The following ELMO1 variants were observed in gnomAD, a reference collection of about 807,000 sequenced individuals.
ELMO1 encodes the protein engulfment and cell motility 1.
In ELMO1, 26 loss-of-function variants were observed where a neutral mutation model predicts 98.9. The ratio of observed to expected loss-of-function variants is 0.26; its 90% confidence interval spans 0.19 to 0.36. The LOEUF is 0.36. Among genes scored for constraint, ELMO1 ranks in the 10% least tolerant of loss-of-function variants. ELMO1 has a pLI of 1.00. For missense variants in ELMO1, 627 were observed against 935.2 expected (o/e 0.67, Z 4.30); for synonymous variants, 346 against 346.0 (o/e 1.00, Z 0.00).
chr7:36,875,373 C>T (rs150551992), intron 19 of ELMO1, among the ~76,000 whole-genome samples: 1 of 152,310 alleles, frequency 6.6e-6, no homozygotes, highest in East Asian at 1.9e-4. Context: ...CTAGTACACA[C>T]ACACTCTCTT....
intron 13 of ELMO1, among the ~76,000 whole-genome samples, chr7:37,181,895 T>C (rs12701550): frequency 0.16 from 23,631 of 152,192 alleles, 1,883 homozygotes; most frequent in South Asian, 0.26. Context: ...GAAATAGTTA[T>C]TTTCTCAGTA....
chr7:37,179,775 A>T (rs1479470646), intron 13 of ELMO1, among the ~76,000 whole-genome samples: 1 of 152,156 alleles, frequency 6.6e-6, no homozygotes, highest in Non-Finnish European at 1.5e-5. Context: ...TACACAAAAG[A>T]AATCAGCAAC....
At chr7:37,400,079 A>C (rs1803459936) in intron 1 of ELMO1, among the ~76,000 whole-genome samples, 1 of 152,228 alleles carries the variant, frequency 6.6e-6, no homozygotes, top group South Asian at 2.1e-4. Context: ...AATATGGTAC[A>C]AGTTTGATGT....
intron 1 of ELMO1, among the ~76,000 whole-genome samples, chr7:37,357,560 T>C (rs1461814168): frequency 6.6e-6 from 1 of 152,044 alleles, no homozygotes; most frequent in Admixed American, 6.6e-5. Context: ...AAAACAAATT[T>C]CCCCCATTTT....
intron 13 of ELMO1, among the ~76,000 whole-genome samples, chr7:37,162,632 T>C (rs1402182447): frequency 6.6e-6 from 1 of 152,214 alleles, no homozygotes; most frequent in Non-Finnish European, 1.5e-5. Context: ...AAAAAATTTT[T>C]TAAAGTTGAA....
chr7:37,045,271 A>G (rs1348004631), intron 15 of ELMO1, among the ~76,000 whole-genome samples: 3 of 152,240 alleles, frequency 2.0e-5, no homozygotes, highest in Non-Finnish European at 4.4e-5. Context: ...GGTAATGAAT[A>G]TAATACACTG....
At chr7:36,874,647 C>T (rs1803794831) in intron 19 of ELMO1, among the ~76,000 whole-genome samples, 1 of 152,224 alleles carries the variant, frequency 6.6e-6, no homozygotes, top group Non-Finnish European at 1.5e-5. Flanking sequence ...TTCATCTCCA[C>T]ATGGGCAGGG....
At chr7:37,341,054 C>A (rs1410582767) in intron 2 of ELMO1, among the ~76,000 whole-genome samples, 1 of 152,204 alleles carries the variant, frequency 6.6e-6, no homozygotes, top group Non-Finnish European at 1.5e-5. Flanking sequence ...CACAGGGATA[C>A]CCTGGAGATC....
At chr7:37,102,223 TC>T (rs1784684704) in intron 14 of ELMO1, among the ~76,000 whole-genome samples, 4 of 152,122 alleles carry the variant, frequency 2.6e-5, no homozygotes, top group African/African-American at 9.7e-5. Flanking sequence ...TCCTTCATTC[TC>T]CCTTGGTGCC....
At chr7:37,348,829 C>T (rs1336280699) in intron 1 of ELMO1, among the ~76,000 whole-genome samples, 5 of 152,276 alleles carry the variant, frequency 3.3e-5, no homozygotes, top group Admixed American at 6.5e-5. Flanking sequence ...TTAATTCTTT[C>T]GGTTCCACAA....
At chr7:37,422,136 G>C (rs984694337) in intron 1 of ELMO1, among the ~76,000 whole-genome samples, 1 of 152,222 alleles carries the variant, frequency 6.6e-6, no homozygotes, top group Non-Finnish European at 1.5e-5. Flanking sequence ...CCCAGGATAA[G>C]AAAATTAGCT....
intron 1 of ELMO1, chr7:37,351,319 T>C (rs1208632027): frequency 6.6e-6 from 1 of 152,264 alleles, no homozygotes; most frequent in Non-Finnish European, 1.5e-5. Context: ...AATAAGGATC[T>C]CATAAATTTG....
At chr7:36,939,822 G>A (rs973189413) in intron 16 of ELMO1, among the ~76,000 whole-genome samples, 4 of 152,206 alleles carry the variant, frequency 2.6e-5, no homozygotes, top group Admixed American at 6.5e-5. Context: ...GTGGCTGGCC[G>A]GAGGCATGCG....
intron 15 of ELMO1, among the ~76,000 whole-genome samples, chr7:37,045,005 T>A (rs1795722157): frequency 6.6e-6 from 1 of 152,242 alleles, no homozygotes; most frequent in Admixed American, 6.5e-5. Context: ...GGATGGAGGT[T>A]AATATTACTA....
chr7:37,135,869 C>T (rs973793707), intron 13 of ELMO1, among the ~76,000 whole-genome samples: 1 of 152,100 alleles, frequency 6.6e-6, no homozygotes, highest in Non-Finnish European at 1.5e-5. Context: ...GGATCCAAAC[C>T]AAGATTAAAT....
intron 16 of ELMO1, among the ~76,000 whole-genome samples, chr7:36,927,691 C>T (rs2129080834): frequency 6.6e-6 from 1 of 152,308 alleles, no homozygotes; most frequent in East Asian, 1.9e-4. Context: ...GAGACAGTCC[C>T]AGACTATTTT....
chr7:37,385,346 C>T (rs1333755958), intron 1 of ELMO1, among the ~76,000 whole-genome samples: 7 of 152,348 alleles, frequency 4.6e-5, no homozygotes. Flanking sequence ...ATCTCCCCCT[C>T]CCCTCCAGCC....
intron 16 of ELMO1, among the ~76,000 whole-genome samples, chr7:36,911,182 A>G (rs1180819846): frequency 6.6e-6 from 1 of 152,204 alleles, no homozygotes; most frequent in Non-Finnish European, 1.5e-5. Context: ...CCATGCCACT[A>G]AAAGGATGGC....
In ELMO1 at chr7:37,200,504, T is replaced by C. The variant is rs1055302976; in HGVS notation, c.1086+10882A>G. On this transcript the variant is annotated intron_variant, in intron 13 of 21. Coordinates refer to ENST00000310758, the MANE Select transcript of ELMO1 (RefSeq NM_014800.11). ...CAGCACAGAGGCAACCCTGAACATG[T>C]ACAGGCAGGGTGCTGGCAATCCTCT... Among the ~76,000 whole-genome samples the C allele has an allele frequency of 3.9e-5, 6 of 152,136 alleles. No homozygotes were observed. The East Asian group carries it at 1.2e-3, about 29-fold the overall frequency.
Sources: allele counts gnomAD v4.1 joint callset (sites outside exome capture counted in the v4.1 genomes callset), GRCh38; gene constraint gnomAD v4.1.1; transcripts MANE v1.5; gene names NCBI Gene and HGNC (gene_info 2026-07-23, HGNC 2026-07-21).